The following KAZN variants were observed in gnomAD, a reference collection of about 807,000 sequenced individuals.
The protein encoded by KAZN is kazrin.
KAZN carries 40 observed loss-of-function variants against 87.4 expected under a neutral mutation model. The ratio of observed to expected loss-of-function variants is 0.46; its 90% CI spans 0.36 to 0.60. The LOEUF is 0.60. KAZN is among the 20% of genes least tolerant of loss of function. The pLI is 0.00. For missense variants in KAZN, 898 were observed against 1,073.9 expected, an observed-to-expected ratio of 0.84 and a Z score of 2.29; for synonymous variants, 466 against 458.3, an observed-to-expected ratio of 1.02 and a Z score of -0.22.
intron 1 of KAZN, among the ~76,000 whole-genome samples, chr1:14,143,633 T>C (rs1645287038): frequency 6.6e-6 from 1 of 152,214 alleles, no homozygotes; most frequent in Non-Finnish European, 1.5e-5. Context: ...TGAGTCACAA[T>C]TATACCTCTT....
chr1:13,981,119 A>ATATATATATATATAAAAG (rs1570443952), intron 1 of KAZN, among the ~76,000 whole-genome samples: 1 of 115,580 alleles, frequency 8.7e-6, no homozygotes, highest in Non-Finnish European at 1.8e-5. Context: ...ATGTATATAT[A>ATATATATATATATAAAAG]AACACAGATT....
chr1:14,120,637 C>T (rs531724102), intron 1 of KAZN, among the ~76,000 whole-genome samples: 17 of 152,238 alleles, frequency 1.1e-4, no homozygotes, highest in African/African-American at 2.9e-4. Flanking sequence ...AAGGATGCTT[C>T]AGTGGATTGT....
chr1:14,660,734 A>G (rs1639114218), intron 1 of KAZN, among the ~76,000 whole-genome samples: 1 of 152,018 alleles, frequency 6.6e-6, no homozygotes, highest in African/African-American at 2.4e-5. Context: ...ATGTACTAGC[A>G]ATCTCCACTC....
At chr1:14,073,870 G>A (rs1023252982) in intron 1 of KAZN, among the ~76,000 whole-genome samples, 115 of 152,302 alleles carry the variant, frequency 7.6e-4, no homozygotes, top group African/African-American at 2.7e-3. Context: ...ACATGTGTAT[G>A]TGTCTTTATA....
intron 2 of KAZN, among the ~76,000 whole-genome samples, chr1:14,335,116 C>T (rs937643340): frequency 2.0e-5 from 3 of 150,186 alleles, no homozygotes; most frequent in Non-Finnish European, 3.0e-5. Context: ...GCCCCCCCCC[C>T]ACCACCCCAG....
intron 1 of KAZN, among the ~76,000 whole-genome samples, chr1:14,699,016 C>A (rs1277893947): frequency 6.6e-6 from 1 of 151,956 alleles, no homozygotes; most frequent in Admixed American, 6.6e-5. Flanking sequence ...AGAAGGGAAG[C>A]CTTATCCACC....
At position 14,858,572 on chromosome 1, in the gene KAZN, T is replaced by A. The variant is rs562072527; in HGVS notation, c.227-102112T>A. On this transcript the variant is annotated intron_variant, in intron 1 of 14. Transcript: ENST00000376030. ...GACAGACGTTTGGGTCGTTTCCACC[T>A]TTTGGCTGTCGTGAATAATGCAGCT... 1.4e-3 allele frequency among the ~76,000 whole-genome samples: 219 copies of A among 152,336 alleles called. 1 individual carries two copies. The highest frequency in any genetic ancestry group is 5.0e-3 in the African/African-American group (210 of 41,590).
chr1:13,981,107 A>ATATATATATATATATATATATATATG (rs1557760867), intron 1 of KAZN, among the ~76,000 whole-genome samples: 1 of 134,374 alleles, frequency 7.4e-6, no homozygotes, highest in Non-Finnish European at 1.6e-5. Context: ...ATATATATAT[A>ATATATATATATATATATATATATATG]TATGTATATA....
intron 1 of KAZN, among the ~76,000 whole-genome samples, chr1:14,071,114 A>G (rs1643231493): frequency 6.6e-6 from 1 of 152,102 alleles, no homozygotes; most frequent in Non-Finnish European, 1.5e-5. Context: ...ATTGAAGCCC[A>G]TGTGTACAAT....
At chr1:14,293,210 C>T (rs940149256) in intron 2 of KAZN, among the ~76,000 whole-genome samples, 1 of 152,180 alleles carries the variant, frequency 6.6e-6, no homozygotes, top group Non-Finnish European at 1.5e-5. Context: ...ATTTCTCCAG[C>T]CCCGAAGGGA....
At chr1:14,090,969 G>A (rs1643963676) in intron 1 of KAZN, among the ~76,000 whole-genome samples, 1 of 151,994 alleles carries the variant, frequency 6.6e-6, no homozygotes, top group Non-Finnish European at 1.5e-5. Context: ...AAAATTAGCT[G>A]GGCATGGTGG....
At chr1:14,367,253 C>T (rs147740252) in intron 2 of KAZN, among the ~76,000 whole-genome samples, 138 of 152,112 alleles carry the variant, frequency 9.1e-4, no homozygotes, top group African/African-American at 3.0e-3. Context: ...AGGCTCTCAG[C>T]GGGAAAGGAA....
At chr1:14,522,918 G>A (rs1031259490) in intron 2 of KAZN, among the ~76,000 whole-genome samples, 6 of 152,118 alleles carry the variant, frequency 3.9e-5, no homozygotes, top group African/African-American at 1.4e-4. Context: ...TTGATTCTCT[G>A]GGTGCCCCTG....
At chr1:14,090,513 G>T (rs980922153) in intron 1 of KAZN, among the ~76,000 whole-genome samples, 3 of 151,832 alleles carry the variant, frequency 2.0e-5, no homozygotes, top group Admixed American at 1.3e-4. Flanking sequence ...TCTCTCCAAT[G>T]TTTCTCTCTG....
intron 2 of KAZN, among the ~76,000 whole-genome samples, chr1:14,326,881 C>T (rs1656472767): frequency 6.6e-6 from 1 of 152,168 alleles, no homozygotes; most frequent in Non-Finnish European, 1.5e-5. Context: ...GTAATCACCT[C>T]TTCCCCCATG....
chr1:14,141,959 A>AT (rs945163462), intron 1 of KAZN, among the ~76,000 whole-genome samples: 2 of 82,354 alleles, frequency 2.4e-5, no homozygotes, highest in African/African-American at 1.4e-4. Flanking sequence ...ATGAGAATTG[A>AT]TATTTTTTCC....
At chr1:14,675,383 G>C (rs1416254373) in intron 1 of KAZN, among the ~76,000 whole-genome samples, 3 of 152,232 alleles carry the variant, frequency 2.0e-5, no homozygotes, top group Admixed American at 2.0e-4. Context: ...ATGAGCTCCA[G>C]GGCACTTGGG....
At chr1:14,444,590 G>A (rs1430385830) in intron 2 of KAZN, among the ~76,000 whole-genome samples, 4 of 152,106 alleles carry the variant, frequency 2.6e-5, no homozygotes, top group Non-Finnish European at 4.4e-5. Flanking sequence ...TGGGATTACA[G>A]GCGTGAGCCA....
chr1:14,164,454 T>TTG (rs59816103), intron 1 of KAZN, among the ~76,000 whole-genome samples: 26,059 of 144,542 alleles, frequency 0.18, 2,787 homozygotes, highest in East Asian at 0.35. Context: ...CACTATGGCT[T>TTG]TGTGTGTGTG....
Sources: gnomAD v4.1 joint callset for allele counts (sites outside exome capture counted in the v4.1 genomes callset) on GRCh38, gnomAD v4.1.1 for gene constraint, MANE v1.5 for transcripts, NCBI Gene and HGNC (gene_info 2026-07-23, HGNC 2026-07-21) for gene names.